KDM5B: variants seen among roughly 807,000 people sequenced by gnomAD.
KDM5B encodes the protein lysine demethylase 5B.
In KDM5B, 144 loss-of-function variants were observed where a neutral mutation model predicts 193.4. That is an observed-to-expected ratio of 0.74 (90% CI 0.65 to 0.86). The LOEUF (loss-of-function observed/expected upper bound fraction) is 0.86, where lower values mean the gene tolerates loss of function less well. Ranked by LOEUF, KDM5B falls within the 40% of genes least tolerant of loss-of-function variation. The probability of loss-of-function intolerance (pLI) is 0.00; values close to 1 mark genes in which losing one functional copy is unlikely to be tolerated. For missense variants in KDM5B, 1,833 were observed against 1,886.9 expected (o/e 0.97, Z 0.53); for synonymous variants, 668 against 682.6 (o/e 0.98, Z 0.33).
chr1:202,738,861 A>G (rs1020862823), intron 20 of KDM5B, among the ~76,000 whole-genome samples: 8 of 152,244 alleles, frequency 5.3e-5, no homozygotes, highest in African/African-American at 1.9e-4. Flanking sequence ...CAATGCTACA[A>G]GTGAATTTAA....
In KDM5B at chr1:202,749,126, C is replaced by T. The variant is rs758997313; in HGVS notation, c.1835G>A (p.Arg612Gln). The part of the protein sequence containing the change: ...FCTVDWLPLG[R>Q]QCVEHYRLLH... ...CAAGCGATAATGCTCCACACACTGT[C>T]GGCCTAATGGCAGCTGTATCAAAAC... Residue 612 changes from arginine to glutamine, a missense_variant, in exon 14 of 27, where the codon CGA becomes CAA. Physicochemically the swap from Arg to Gln is conservative, Grantham distance 43. Coordinates refer to ENST00000367265, the MANE Select transcript of KDM5B (RefSeq NM_006618.5). 5.0e-6 allele frequency: 8 copies of T among 1,605,310 alleles called. No homozygotes were observed. The highest frequency in any genetic ancestry group is 4.2e-6 in the Non-Finnish European group (5 of 1,177,594).
At chr1:202,747,698 T>C (rs1655616645) in intron 14 of KDM5B, among the ~76,000 whole-genome samples, 1 of 152,100 alleles carries the variant, frequency 6.6e-6, no homozygotes, top group South Asian at 2.1e-4. Flanking sequence ...ACAAGTCAAT[T>C]GTCTCTCTAA....
At position 202,736,295 on chromosome 1, in the gene KDM5B, G is replaced by T. The variant is rs1343946655; in HGVS notation, c.3182C>A (p.Thr1061Asn). Residue 1061 changes from threonine (T) to asparagine (N), a missense_variant, in exon 21 of 27, where the codon ACC becomes AAC. Around this residue, in one of 3 missense-constraint regions of KDM5B, gnomAD observed 1,379 missense variants for 1,349.6 expected, o/e 1.02. Coordinates refer to ENST00000367265, the MANE Select transcript of KDM5B (RefSeq NM_006618.5). The stretch of plus-strand genomic sequence containing the variant: ...CCAAGCCTGAACCTCAGCTACTAGG[G>T]TTTCCAGTCTTGGCAAAGAATTCAG... ...VHLNSLPRLE[T>N]LVAEVQAWKE... is the part of the protein sequence containing the mutation. 5 of 1,612,748 alleles carry T rather than the reference G, an allele frequency of 3.1e-6. No homozygotes were observed. Among genetic ancestry groups the T allele is most frequent in the African/African-American group, 1.3e-5 (1 of 74,840 alleles).
chr1:202,778,174 C>CAA (rs1013814145), intron 1 of KDM5B, among the ~76,000 whole-genome samples: 1 of 140,286 alleles, frequency 7.1e-6, no homozygotes, highest in African/African-American at 2.6e-5. Flanking sequence ...GACTTCACCT[C>CAA]AAAAAAAAAA....
chr1:202,766,546 G>A (rs1656468734), intron 5 of KDM5B: 4 of 430,386 alleles, frequency 9.3e-6, no homozygotes, highest in South Asian at 5.1e-5. Flanking sequence ...GGCTTTAACT[G>A]TCTTCTAACC....
rs112152964 is a variant in KDM5B at position 202,794,623 on chromosome 1, C to T, written c.204+13479G>A. 1.1e-4 allele frequency among the ~76,000 whole-genome samples: 17 copies of T among 152,282 alleles called. 2 individuals are homozygous for T. Among genetic ancestry groups the T allele is most frequent in the African/African-American group, 3.9e-4 (16 of 41,556 alleles). On this transcript the variant is annotated intron_variant, in intron 1 of 26. Transcript: ENST00000367265. ...AAGCATTTGACAATTTTAAATGGTA[C>T]ATATACCATTGGGGAGTGTCTTAAT...
At chr1:202,744,624 G>A (rs1655479486) in intron 16 of KDM5B, among the ~76,000 whole-genome samples, 1 of 152,136 alleles carries the variant, frequency 6.6e-6, no homozygotes, top group South Asian at 2.1e-4. Context: ...AGTCAGAATG[G>A]CTATTATTAA....
intron 1 of KDM5B, among the ~76,000 whole-genome samples, chr1:202,797,983 G>T (rs935429973): frequency 2.0e-4 from 31 of 152,184 alleles, no homozygotes; most frequent in Non-Finnish European, 4.4e-4. Context: ...TTGAGCTCAG[G>T]AGTTCAAGAC....
At chr1:202,740,126 C>T (rs1271468071) in intron 20 of KDM5B, among the ~76,000 whole-genome samples, 4 of 150,300 alleles carry the variant, frequency 2.7e-5, no homozygotes, top group African/African-American at 7.3e-5. Context: ...ACCTCCCTCC[C>T]GGACGGGGCG....
At chr1:202,801,438 T>G (rs1658069612) in intron 1 of KDM5B, among the ~76,000 whole-genome samples, 1 of 152,188 alleles carries the variant, frequency 6.6e-6, no homozygotes, top group African/African-American at 2.4e-5. Context: ...TTCTGCATCT[T>G]TGTTCCAAAC....
At chr1:202,744,384 C>A (rs910187790) in intron 16 of KDM5B, among the ~76,000 whole-genome samples, 1 of 152,178 alleles carries the variant, frequency 6.6e-6, no homozygotes, top group African/African-American at 2.4e-5. Context: ...ATGGTGAAAT[C>A]CTGTCTCTAC....
In KDM5B at chr1:202,726,951, T is replaced by G. The variant is rs1401233389; in HGVS notation, c.*2085A>C. The G allele has an allele frequency of 2.6e-5, 4 of 152,216 alleles. No individual in the cohort carries two copies. The highest frequency in any genetic ancestry group is 9.6e-5 in the African/African-American group (4 of 41,456). The allele number at this position is 152,216 out of a possible 1,614,324, so 9.4% of individuals were successfully genotyped here. On this transcript the variant is annotated 3_prime_UTR_variant, in exon 27 of 27. Transcript: ENST00000367265. ...GCATCATCACACATAAAATGATCAG[T>G]GGTTCTCATCCAGGGAGGGAGTGGT...
intron 12 of KDM5B, among the ~76,000 whole-genome samples, chr1:202,751,447 G>A (rs1354561838): frequency 1.3e-5 from 2 of 152,110 alleles, no homozygotes; most frequent in African/African-American, 4.8e-5. Context: ...AGAAATTCTA[G>A]GGGTGGAGAC....
chr1:202,791,616 T>C (rs965476261), intron 1 of KDM5B, among the ~76,000 whole-genome samples: 2 of 152,156 alleles, frequency 1.3e-5, no homozygotes, highest in African/African-American at 2.4e-5. Context: ...TCCATCTCCA[T>C]ATCCCCCCAA....
rs1370055508 is a variant in KDM5B at position 202,728,524 on chromosome 1, G to C, written c.*512C>G. On this transcript the variant is annotated 3_prime_UTR_variant, in exon 27 of 27. Coordinates refer to ENST00000367265, the MANE Select transcript of KDM5B (RefSeq NM_006618.5). Reference sequence around the variant, plus strand: ...TAGTCTACCAGGAAGAAGAAAAGTGGATAAAGGAAAAGAAGAAACAAACAA... The same window carrying C: ...TAGTCTACCAGGAAGAAGAAAAGTGCATAAAGGAAAAGAAGAAACAAACAA... 6.5e-6 allele frequency: 1 copy of C among 153,362 alleles called. No homozygotes were observed. The highest frequency in any genetic ancestry group is 1.5e-5 in the Non-Finnish European group (1 of 68,614). 9.5% of individuals were successfully genotyped at this position (153,362 alleles called of 1,614,324 possible). A position where few individuals can be genotyped will look rare whatever the true frequency, so the allele number is the denominator to read the frequency against.
chr1:202,728,843 G>T lies in KDM5B; in HGVS notation c.*193C>A. 1 of 606,526 alleles carries T rather than the reference G, an allele frequency of 1.6e-6. No homozygotes were observed. The highest frequency in any genetic ancestry group is 1.8e-5 in the African/African-American group (1 of 54,332). 37.6% of individuals were successfully genotyped at this position (606,526 alleles called of 1,614,324 possible). ...AGCTCTTAAGGAAAAAATACAAAAA[G>T]TGTCAAAAATTTTTTTAGTTGTTTT... On this transcript the variant is annotated 3_prime_UTR_variant, in exon 27 of 27. Coordinates refer to ENST00000367265, the MANE Select transcript of KDM5B (RefSeq NM_006618.5).
chr1:202,798,565 A>G (rs1420756678), intron 1 of KDM5B, among the ~76,000 whole-genome samples: 1 of 152,150 alleles, frequency 6.6e-6, no homozygotes, highest in East Asian at 1.9e-4. Flanking sequence ...CATCTCTACA[A>G]AAAAATTTGA....
chr1:202,784,825 G>C (rs544346012), intron 1 of KDM5B, among the ~76,000 whole-genome samples: 1 of 152,314 alleles, frequency 6.6e-6, no homozygotes, highest in Admixed American at 6.5e-5. Context: ...CTTGAGGCCA[G>C]GAGTTCAAGA....
chr1:202,800,135 C>G (rs1225760741), intron 1 of KDM5B, among the ~76,000 whole-genome samples: 1 of 152,052 alleles, frequency 6.6e-6, no homozygotes, highest in African/African-American at 2.4e-5. Flanking sequence ...TCTCCACCTC[C>G]CAGGTTCAAG....
Sources: gnomAD v4.1 joint callset for allele counts (sites outside exome capture counted in the v4.1 genomes callset) on GRCh38, gnomAD v4.1.1 for gene constraint, gnomAD v4.1.1 regional missense constraint, MANE v1.5 for transcripts, NCBI Gene and HGNC (gene_info 2026-07-23, HGNC 2026-07-21) for gene names.